PKHD1: variants seen among roughly 807,000 people sequenced by gnomAD.
PKHD1 encodes the protein PKHD1 ciliary IPT domain containing fibrocystin/polyductin.
A neutral mutation model predicts 412.0 loss-of-function variants in PKHD1; 291 were observed. The observed-to-expected ratio is 0.71, with a 90% CI of 0.64 to 0.78. PKHD1 has a LOEUF of 0.78. Among genes scored for constraint, PKHD1 ranks in the 30% least tolerant of loss-of-function variants. The pLI is 0.00. For missense variants in PKHD1, 4,825 were observed against 4,950.7 expected, an observed-to-expected ratio of 0.97 and a Z score of 0.76; for synonymous variants, 1,777 against 1,821.5, an observed-to-expected ratio of 0.98 and a Z score of 0.62.
intron 43 of PKHD1, among the ~76,000 whole-genome samples, chr6:51,901,479 A>T (rs1007642918): frequency 2.6e-5 from 4 of 151,722 alleles, no homozygotes; most frequent in African/African-American, 9.7e-5. Flanking sequence ...ATGAGATCAC[A>T]TGGACACAGG....
At chr6:51,802,872 C>T (rs1763150781) in intron 52 of PKHD1, among the ~76,000 whole-genome samples, 1 of 150,696 alleles carries the variant, frequency 6.6e-6, no homozygotes, top group Non-Finnish European at 1.5e-5. Flanking sequence ...GTATTATTGA[C>T]TTTTTTTCTT....
At chr6:51,916,193 T>G (rs1422769729) in intron 37 of PKHD1, among the ~76,000 whole-genome samples, 1 of 152,166 alleles carries the variant, frequency 6.6e-6, no homozygotes, top group Non-Finnish European at 1.5e-5. Flanking sequence ...ATTCAATTCA[T>G]AGTGGTTTAA....
chr6:51,830,977 G>C lies in PKHD1; in HGVS notation c.8186C>G (p.Ala2729Gly). The C allele has an allele frequency of 6.2e-7, 1 of 1,611,724 alleles. No individual in the cohort carries two copies. Among genetic ancestry groups the C allele is most frequent in the Non-Finnish European group, 8.5e-7 (1 of 1,178,232 alleles). Residue 2729 changes from alanine (A) to glycine (G), a missense_variant, in exon 52 of 67, where the codon GCC (alanine) becomes GGC (glycine). Coordinates refer to ENST00000371117, the MANE Select transcript of PKHD1 (RefSeq NM_138694.4). ...GGACCATTTTAAAGCTGATTCAGGG[G>C]CAGAGGTAGAAGCTAGAAAATAAAA... ...MPPTISASTS[A>G]PESALKWSLP...
In PKHD1 at chr6:52,069,356, G is replaced by A. The variant is rs189203252; in HGVS notation, c.778+101C>T. 981 of 834,390 alleles carry A rather than the reference G, an allele frequency of 1.2e-3. 1 individual carries two copies. The highest frequency in any genetic ancestry group is 1.6e-3 in the Non-Finnish European group (743 of 467,712). 51.7% of individuals were successfully genotyped at this position (834,390 alleles called of 1,614,324 possible). A position where few individuals can be genotyped will look rare whatever the true frequency, so the allele number is the denominator to read the frequency against. On this transcript the variant is annotated intron_variant, in intron 11 of 66. Transcript: ENST00000371117. ...TGTCTATGATTGTAGGGACAGCTTC[G>A]GGTGTTAATGGTCATCAAGAAATGG...
intron 62 of PKHD1, 26 bp from the exon 63 acceptor site, chr6:51,648,144 G>A (rs754128716): frequency 2.3e-6 from 3 of 1,313,656 alleles, no homozygotes; most frequent in African/African-American, 1.4e-5. Context: ...GGAGGAGGGA[G>A]GAAGAAAAAG....
chr6:51,974,506 C>G (rs1794107344), intron 35 of PKHD1, among the ~76,000 whole-genome samples: 1 of 152,114 alleles, frequency 6.6e-6, no homozygotes. Context: ...AGAAGACACC[C>G]AAAGTATGTT....
At chr6:51,694,702 T>C (rs570593517) in intron 60 of PKHD1, among the ~76,000 whole-genome samples, 1 of 152,074 alleles carries the variant, frequency 6.6e-6, no homozygotes, top group South Asian at 2.1e-4. Flanking sequence ...ACCTTCCATA[T>C]AGATTTGTAA....
chr6:51,782,466 C>A (rs759458541), intron 53 of PKHD1, among the ~76,000 whole-genome samples: 30 of 152,092 alleles, frequency 2.0e-4, no homozygotes, highest in Non-Finnish European at 3.2e-4. Flanking sequence ...CTCTAAGGGG[C>A]AAAGGTTTTA....
intron 60 of PKHD1, among the ~76,000 whole-genome samples, chr6:51,744,129 A>G (rs1441027774): frequency 1.3e-5 from 2 of 152,238 alleles, no homozygotes; most frequent in Non-Finnish European, 2.9e-5. Context: ...GCTGTGCACT[A>G]AGTTGGGCAT....
At chr6:51,872,470 A>C (rs182985339) in intron 46 of PKHD1, among the ~76,000 whole-genome samples, 52 of 151,976 alleles carry the variant, frequency 3.4e-4, no homozygotes, top group Non-Finnish European at 4.0e-4. Context: ...GTGCAGTGGC[A>C]TGATCTCGGC....
chr6:51,726,413 C>T (rs1241835210), intron 60 of PKHD1, among the ~76,000 whole-genome samples: 1 of 152,124 alleles, frequency 6.6e-6, no homozygotes, highest in Non-Finnish European at 1.5e-5. Context: ...CAACTTGGGA[C>T]AAAAATGTCA....
At chr6:51,782,756 A>G (rs941231416) in intron 53 of PKHD1, among the ~76,000 whole-genome samples, 3 of 152,102 alleles carry the variant, frequency 2.0e-5, no homozygotes, top group Non-Finnish European at 4.4e-5. Flanking sequence ...ATTTTTTTAA[A>G]TGAACATCAC....
intron 57 of PKHD1, among the ~76,000 whole-genome samples, chr6:51,749,497 T>C: frequency 6.6e-6 from 1 of 152,124 alleles, no homozygotes; most frequent in East Asian, 1.9e-4. Flanking sequence ...AATAATAACA[T>C]GATTATAGAT....
At position 52,072,180 on chromosome 6, in the gene PKHD1, G is replaced by T. The variant is rs760480311; in HGVS notation, c.537C>A (p.Ile179=). 3 of 1,602,190 alleles carry T rather than the reference G, an allele frequency of 1.9e-6. No individual in the cohort carries two copies. Among genetic ancestry groups the T allele is most frequent in the Non-Finnish European group, 2.6e-6 (3 of 1,169,352 alleles). ...FDAEYIDSPV[I]LEAQGDKWVT... ...CCCATTTGTCTCCTTGAGCTTCCAA[G>T]ATCACTGGGCTGGATTTAAAAAAAA... Residue 179 remains isoleucine, a synonymous_variant, in exon 8 of 67, where the codon ATC becomes ATA. Transcript: ENST00000371117.
chr6:51,886,208 C>A (rs1778186791), intron 44 of PKHD1, among the ~76,000 whole-genome samples: 1 of 152,128 alleles, frequency 6.6e-6, no homozygotes. Context: ...AGCCTAGCAG[C>A]CTCCCAGGGG....
intron 48 of PKHD1, among the ~76,000 whole-genome samples, chr6:51,861,742 C>T (rs974963038): frequency 1.3e-5 from 2 of 152,202 alleles, no homozygotes; most frequent in African/African-American, 4.8e-5. Flanking sequence ...CATCCACAGC[C>T]TTATGGATTC....
At chr6:51,982,163 G>C (rs1250300517) in intron 35 of PKHD1, among the ~76,000 whole-genome samples, 1 of 44,846 alleles carries the variant, frequency 2.2e-5, no homozygotes, top group Non-Finnish European at 4.9e-5. Flanking sequence ...CCGCCCGGCA[G>C]CCACCCCGTC....
chr6:51,666,573 G>A (rs983149555), intron 60 of PKHD1, among the ~76,000 whole-genome samples: 3 of 151,924 alleles, frequency 2.0e-5, no homozygotes, highest in Non-Finnish European at 1.5e-5. Context: ...AATACTTTAA[G>A]TTTTAGGGTA....
intron 52 of PKHD1, among the ~76,000 whole-genome samples, chr6:51,814,770 C>T (rs1398967754): frequency 2.0e-5 from 3 of 152,146 alleles, no homozygotes; most frequent in Non-Finnish European, 4.4e-5. Context: ...TGAAAGGCCA[C>T]CGGCTCACCA....
Sources: allele counts gnomAD v4.1 joint callset (sites outside exome capture counted in the v4.1 genomes callset), GRCh38; gene constraint gnomAD v4.1.1; transcripts MANE v1.5; gene names NCBI Gene and HGNC (gene_info 2026-07-23, HGNC 2026-07-21).